Variants in HPSE2 observed in about 807,000 individuals in gnomAD.
HPSE2 encodes inactive heparanase-2.
Under a neutral mutation model 60.5 loss-of-function variants are expected in HPSE2, and 38 were observed. That is an observed-to-expected ratio of 0.63 (90% confidence interval 0.48 to 0.82). The LOEUF is 0.82. Among genes scored for constraint, HPSE2 ranks in the 40% least tolerant of loss-of-function variants. The pLI is 0.00. For missense variants in HPSE2, 713 were observed against 740.4 expected (o/e 0.96, Z 0.43); for synonymous variants, 295 against 293.2 (o/e 1.01, Z -0.06).
At chr10:98,676,990 T>G (rs1336830858) in intron 6 of HPSE2, among the ~76,000 whole-genome samples, 1 of 152,058 alleles carries the variant, frequency 6.6e-6, no homozygotes, top group African/African-American at 2.4e-5. Context: ...TTAAATCATC[T>G]GCAGCAGATA....
At chr10:98,960,155 T>C (rs887105395) in intron 3 of HPSE2, among the ~76,000 whole-genome samples, 2 of 152,146 alleles carry the variant, frequency 1.3e-5, no homozygotes, top group African/African-American at 4.8e-5. Flanking sequence ...TTGAATCACA[T>C]AGGAGAAAGT....
At chr10:99,188,464 AG>A (rs1848108889) in intron 2 of HPSE2, among the ~76,000 whole-genome samples, 2 of 152,378 alleles carry the variant, frequency 1.3e-5, no homozygotes, top group Admixed American at 6.5e-5. Context: ...GAGGAGGAGA[AG>A]GAACAGGAAT....
chr10:98,987,697 T>A (rs1956403021), intron 3 of HPSE2, among the ~76,000 whole-genome samples: 1 of 152,084 alleles, frequency 6.6e-6, no homozygotes, highest in Non-Finnish European at 1.5e-5. Context: ...AAAGAGGAAG[T>A]CAAATTGTCC....
chr10:98,551,489 C>T (rs1484614624), intron 9 of HPSE2, among the ~76,000 whole-genome samples: 2 of 152,124 alleles, frequency 1.3e-5, no homozygotes, highest in South Asian at 2.1e-4. Flanking sequence ...AATAAAGATG[C>T]CCCGCCCTCC....
intron 6 of HPSE2, among the ~76,000 whole-genome samples, chr10:98,672,649 A>G (rs1288615948): frequency 5.9e-5 from 9 of 152,234 alleles, no homozygotes; most frequent in Non-Finnish European, 1.3e-4. Context: ...ACAAACGTCT[A>G]TCAGAGTAAA....
chr10:99,151,385 C>T (rs149935288), intron 2 of HPSE2, among the ~76,000 whole-genome samples: 2 of 151,934 alleles, frequency 1.3e-5, no homozygotes, highest in African/African-American at 2.4e-5. Flanking sequence ...ATATGCATAA[C>T]GGGAGTCCTA....
At chr10:98,600,854 ATT>A (rs1945383475) in intron 9 of HPSE2, among the ~76,000 whole-genome samples, 2 of 140,896 alleles carry the variant, frequency 1.4e-5, no homozygotes, top group Non-Finnish European at 3.1e-5. Flanking sequence ...ACACACACAT[ATT>A]ATATATATAC....
intron 9 of HPSE2, among the ~76,000 whole-genome samples, chr10:98,582,551 CA>C (rs1400908719): frequency 6.6e-6 from 1 of 152,128 alleles, no homozygotes; most frequent in Non-Finnish European, 1.5e-5. Flanking sequence ...AGTGTGGCAC[CA>C]GTTCATCAGC....
At chr10:98,894,967 C>T (rs1953442586) in intron 3 of HPSE2, among the ~76,000 whole-genome samples, 1 of 151,888 alleles carries the variant, frequency 6.6e-6, no homozygotes, top group African/African-American at 2.4e-5. Flanking sequence ...TGAAATAATA[C>T]CTGAAAGTGA....
intron 9 of HPSE2, among the ~76,000 whole-genome samples, chr10:98,494,581 G>C (rs927695592): frequency 1.3e-5 from 2 of 152,126 alleles, no homozygotes; most frequent in African/African-American, 4.8e-5. Flanking sequence ...TGTTAGCACA[G>C]GTCTTTGAAT....
chr10:98,585,500 G>C (rs1004941766), intron 9 of HPSE2, among the ~76,000 whole-genome samples: 7 of 151,470 alleles, frequency 4.6e-5, no homozygotes, highest in African/African-American at 1.5e-4. Context: ...TCAATCTCTT[G>C]ACCTTGTGAT....
intron 4 of HPSE2, among the ~76,000 whole-genome samples, chr10:98,734,918 C>T (rs867676926): frequency 6.6e-5 from 10 of 150,754 alleles, no homozygotes; most frequent in Non-Finnish European, 1.2e-4. Flanking sequence ...CACAAACACA[C>T]ACAAACACAC....
intron 6 of HPSE2, among the ~76,000 whole-genome samples, chr10:98,664,503 G>A (rs2134094995): frequency 6.6e-6 from 1 of 152,272 alleles, no homozygotes; most frequent in Admixed American, 6.5e-5. Context: ...CCGATCAGAA[G>A]GGGCTCTTCC....
intron 3 of HPSE2, among the ~76,000 whole-genome samples, chr10:99,061,393 T>A (rs1455120597): frequency 6.6e-6 from 1 of 152,228 alleles, no homozygotes; most frequent in African/African-American, 2.4e-5. Context: ...TATCTGAATT[T>A]ATAATTTTAG....
intron 3 of HPSE2, among the ~76,000 whole-genome samples, chr10:99,120,824 T>G (rs1440224393): frequency 6.6e-6 from 1 of 152,112 alleles, no homozygotes; most frequent in African/African-American, 2.4e-5. Flanking sequence ...CTGGCAAGGA[T>G]GCAGAGAAAA....
intron 2 of HPSE2, among the ~76,000 whole-genome samples, chr10:99,200,369 T>C (rs1848536099): frequency 6.6e-6 from 1 of 152,072 alleles, no homozygotes; most frequent in Non-Finnish European, 1.5e-5. Flanking sequence ...TACAATAATA[T>C]TAGGATGCAA....
chr10:99,040,114 A>T (rs1488813057), intron 3 of HPSE2, among the ~76,000 whole-genome samples: 1 of 152,168 alleles, frequency 6.6e-6, no homozygotes, highest in Non-Finnish European at 1.5e-5. Context: ...CTTTTTGTAG[A>T]GGTCGGGTAA....
intron 9 of HPSE2, among the ~76,000 whole-genome samples, chr10:98,541,805 A>G (rs995206146): frequency 6.6e-6 from 1 of 152,236 alleles, no homozygotes; most frequent in African/African-American, 2.4e-5. Flanking sequence ...TAGGTAAACA[A>G]AGCAGCCAGG....
At chr10:98,804,578 G>C (rs1333533303) in intron 3 of HPSE2, among the ~76,000 whole-genome samples, 1 of 152,080 alleles carries the variant, frequency 6.6e-6, no homozygotes, top group African/African-American at 2.4e-5. Flanking sequence ...AAACTACAAT[G>C]AGATACCATC....
Sources: gnomAD v4.1 joint callset for allele counts (sites outside exome capture counted in the v4.1 genomes callset) on GRCh38, gnomAD v4.1.1 for gene constraint, MANE v1.5 for transcripts, NCBI Gene and HGNC (gene_info 2026-07-23, HGNC 2026-07-21) for gene names.